NIM1K: variants seen among roughly 807,000 people sequenced by gnomAD.
NIM1K encodes serine/threonine-protein kinase NIM1.
NIM1K carries 35 observed loss-of-function variants against 37.1 expected under a neutral mutation model. The observed-to-expected ratio is 0.94, with a 90% confidence interval of 0.72 to 1.25. The LOEUF is 1.25. Ranked by LOEUF, NIM1K falls within the 50% of genes most tolerant of loss-of-function variation. NIM1K has a pLI of 0.00. For synonymous variants in NIM1K, 234 were observed against 206.6 expected (o/e 1.13, Z -1.14); for missense variants, 564 against 548.0 (o/e 1.03, Z -0.29).
chr5:43,279,555 A>G (rs535307503), intron 3 of NIM1K, among the ~76,000 whole-genome samples: 2 of 152,372 alleles, frequency 1.3e-5, no homozygotes, highest in East Asian at 1.9e-4. Flanking sequence ...TAAGGATAAA[A>G]GAGTCCACCC....
intron 1 of NIM1K, among the ~76,000 whole-genome samples, chr5:43,219,307 C>G (rs922648031): frequency 5.3e-5 from 8 of 152,166 alleles, no homozygotes; most frequent in Admixed American, 3.3e-4. Flanking sequence ...ACCTGTAATT[C>G]CAACTACTCA....
intron 1 of NIM1K, among the ~76,000 whole-genome samples, chr5:43,217,052 C>G (rs1378219642): frequency 6.6e-6 from 1 of 152,146 alleles, no homozygotes; most frequent in Non-Finnish European, 1.5e-5. Context: ...GAGAGTTGTG[C>G]ATACACCACT....
At chr5:43,228,367 C>T (rs1752489939) in intron 1 of NIM1K, among the ~76,000 whole-genome samples, 1 of 151,928 alleles carries the variant, frequency 6.6e-6, no homozygotes, top group Non-Finnish European at 1.5e-5. Flanking sequence ...AGGATGGTCT[C>T]GATCTCCTGA....
chr5:43,244,457 C>A (rs34398699), intron 1 of NIM1K, among the ~76,000 whole-genome samples: 2,096 of 152,288 alleles, frequency 0.014, 22 homozygotes, highest in Middle Eastern at 0.048. Context: ...AAAAAAACAT[C>A]CCGATGACAT....
intron 1 of NIM1K, among the ~76,000 whole-genome samples, chr5:43,204,890 G>T (rs1007290989): frequency 6.6e-6 from 1 of 152,060 alleles, no homozygotes. Context: ...CAGCTACTTG[G>T]GAGACTGAGG....
intron 1 of NIM1K, among the ~76,000 whole-genome samples, chr5:43,201,679 G>A (rs1292989586): frequency 4.0e-5 from 6 of 151,692 alleles, no homozygotes; most frequent in Admixed American, 3.9e-4. Flanking sequence ...ATATTTTTCT[G>A]ACCGGGCGTG....
At position 43,197,325 on chromosome 5, in the gene NIM1K, TA is replaced by T. The variant is rs372271189; in HGVS notation, c.-695+4915del. Among the ~76,000 whole-genome samples, 788 of 149,758 alleles carry T rather than the reference TA, an allele frequency of 5.3e-3. 2 individuals are homozygous for T. The highest frequency in any genetic ancestry group is 0.018 in the African/African-American group (753 of 40,742). ...TTTATTTTTGTAGAGTTGTCGGTGG[TA>T]GGGGGGGCGGGCCTCTCTATGTTGC... On this transcript the variant is annotated intron_variant, in intron 1 of 3. Transcript: ENST00000326035.
chr5:43,271,573 T>C (rs1174871813), intron 2 of NIM1K, among the ~76,000 whole-genome samples: 2 of 152,208 alleles, frequency 1.3e-5, no homozygotes, highest in South Asian at 2.1e-4. Flanking sequence ...AGACCACATG[T>C]ACCATTTACC....
In NIM1K at chr5:43,245,785, G is replaced by T. The variant is rs777242071; in HGVS notation, c.10G>T (p.Val4Leu). MTA[V>L]YMNGGGLVNP... Reference sequence around the variant, plus strand: ...TGAGCCCCCGTGGACGATGACTGCAGTGTATATGAATGGAGGTGGCCTGGT... The same window carrying T: ...TGAGCCCCCGTGGACGATGACTGCATTGTATATGAATGGAGGTGGCCTGGT... The change falls in exon 2 of 4, where the codon GTG becomes TTG. Residue 4 changes from valine (V) to leucine (L), a missense_variant. Val to Leu is a conservative substitution (Grantham distance 32). Transcript: ENST00000326035. 6.2e-7 allele frequency: 1 copy of T among 1,601,450 alleles called. No individual in the cohort carries two copies. Among genetic ancestry groups the T allele is most frequent in the African/African-American group, 1.3e-5 (1 of 74,888 alleles).
intron 1 of NIM1K, among the ~76,000 whole-genome samples, chr5:43,206,216 G>A (rs968769560): frequency 1.3e-5 from 2 of 151,942 alleles, no homozygotes; most frequent in African/African-American, 4.8e-5. Context: ...TTAACTCTGG[G>A]TAAGTAAAGA....
At chr5:43,279,276 C>T (rs1377100250) in intron 3 of NIM1K, among the ~76,000 whole-genome samples, 1 of 152,194 alleles carries the variant, frequency 6.6e-6, no homozygotes, top group Non-Finnish European at 1.5e-5. Context: ...AACTGACATT[C>T]ACAGTACCCA....
intron 2 of NIM1K, among the ~76,000 whole-genome samples, chr5:43,252,574 G>A (rs201548449): frequency 1.4e-5 from 2 of 144,636 alleles, no homozygotes. Context: ...CTAAAAAATT[G>A]AAAAAAAAAA....
rs1319388052 is a variant in NIM1K, at chr5:43,235,174, A to G, written c.-694-9908A>G. On this transcript the variant is annotated intron_variant, in intron 1 of 3. Transcript: ENST00000326035. ...GGGTGAACCTTAAGCTCTTTTAAAT[A>G]CATTTCATTCAGTGCTATTTTAAAA... Among the ~76,000 whole-genome samples, 2 of 152,258 alleles carry G rather than the reference A, an allele frequency of 1.3e-5. 1 individual carries two copies. Among genetic ancestry groups the G allele is most frequent in the Non-Finnish European group, 2.9e-5 (2 of 68,034 alleles).
At chr5:43,217,348 T>A (rs546768030) in intron 1 of NIM1K, among the ~76,000 whole-genome samples, 1 of 152,220 alleles carries the variant, frequency 6.6e-6, no homozygotes, top group African/African-American at 2.4e-5. Context: ...ATGGATATAC[T>A]ACATGTATTT....
At chr5:43,244,872 A>G (rs1752753214) in intron 1 of NIM1K, among the ~76,000 whole-genome samples, 2 of 152,210 alleles carry the variant, frequency 1.3e-5, no homozygotes, top group Non-Finnish European at 1.5e-5. Flanking sequence ...TACGGACCTT[A>G]GGGGCTTTTC....
At chr5:43,271,123 G>A (rs1253866379) in intron 2 of NIM1K, among the ~76,000 whole-genome samples, 1 of 150,946 alleles carries the variant, frequency 6.6e-6, no homozygotes, top group Non-Finnish European at 1.5e-5. Context: ...TTTTAAGTTT[G>A]TGGGTTTTTA....
chr5:43,257,446 C>A (rs1333357243), intron 2 of NIM1K, among the ~76,000 whole-genome samples: 1 of 141,606 alleles, frequency 7.1e-6, no homozygotes, highest in Non-Finnish European at 1.5e-5. Context: ...CGGCTCACTG[C>A]AACCTCTGCC....
rs765779433 is a variant in NIM1K at position 43,277,779 on chromosome 5, C to CGTGTGTGTGT, written c.561+482_561+491dup. Among the ~76,000 whole-genome samples the CGTGTGTGTGT allele has an allele frequency of 9.7e-4, 124 of 127,496 alleles. 1 individual carries two copies. Among genetic ancestry groups the CGTGTGTGTGT allele is most frequent in the Admixed American group, 2.1e-3 (26 of 12,672 alleles). 83.6% of individuals were successfully genotyped at this position (127,496 alleles called of 152,430 possible). Reference sequence around the variant, plus strand: ...CTCTCTCTCCCCCACCCCCCCTCTCCGTGTGTGTGTGTGTGTGTGTGTGTG... The same window carrying CGTGTGTGTGT: ...CTCTCTCTCCCCCACCCCCCCTCTCCGTGTGTGTGTGTGTGTGTGTGTGTGTGTGTGTGTG... On this transcript the variant is annotated intron_variant, in intron 3 of 3. Coordinates refer to ENST00000326035, the MANE Select transcript of NIM1K (RefSeq NM_153361.4).
chr5:43,280,069 C>T lies in NIM1K; in HGVS notation c.651C>T (p.Phe217=). ...NTCVKVGDFG[F]STVSKKGEML... Reference sequence around the variant, plus strand: ...GTGTGAAGGTGGGCGATTTTGGATTCAGCACAGTAAGCAAAAAAGGTGAAA... The same window carrying T: ...GTGTGAAGGTGGGCGATTTTGGATTTAGCACAGTAAGCAAAAAAGGTGAAA... The change falls in exon 4 of 4, where the codon TTC becomes TTT. Residue 217 remains phenylalanine (F), a synonymous_variant. Transcript: ENST00000326035. 1.2e-6 allele frequency: 2 copies of T among 1,614,134 alleles called. No individual in the cohort carries two copies. The highest frequency in any genetic ancestry group is 1.7e-5 in the Admixed American group (1 of 60,022).
Sources: allele counts gnomAD v4.1 joint callset (sites outside exome capture counted in the v4.1 genomes callset), GRCh38; gene constraint gnomAD v4.1.1; transcripts MANE v1.5; gene names NCBI Gene and HGNC (gene_info 2026-07-23, HGNC 2026-07-21).